IFNA21: variants seen among roughly 807,000 people sequenced by gnomAD.
The protein encoded by IFNA21 is interferon alpha-21.
For missense variants in IFNA21, 272 were observed against 212.7 expected, an observed-to-expected ratio of 1.28 and a Z score of -1.73; for synonymous variants, 101 against 82.9, an observed-to-expected ratio of 1.22 and a Z score of -1.19.
At position 21,165,891 on chromosome 9, in the gene IFNA21, T is replaced by C. The variant is rs1819656591; in HGVS notation, c.*152A>G. 1 of 963,094 alleles carries C rather than the reference T, an allele frequency of 1.0e-6. No homozygotes were observed. Among genetic ancestry groups the C allele is most frequent in the East Asian group, 2.6e-5 (1 of 38,300 alleles). 59.7% of individuals were successfully genotyped at this position (963,094 alleles called of 1,614,324 possible). ...GGACTAGTGCCTGCACAGGTAAACA[T>C]GATGTTTCCTTACACTCCTGAAAAG... On this transcript the variant is annotated 3_prime_UTR_variant, in exon 1 of 1. Transcript: ENST00000380225.
In IFNA21 at chr9:21,166,182, T is replaced by C. The variant is rs771989361; in HGVS notation, c.431A>G (p.Lys144Arg). Reference protein sequence around the residue: ...LMNVDSILAVKKYFQRITLYL... With the variant: ...LMNVDSILAVRKYFQRITLYL... ...AAGAGTGATTCTTTGGAAGTATTTC[T>C]TCACAGCCAGGATGGAGTCCACATT... The change falls in exon 1 of 1, where the codon AAG becomes AGG. Residue 144 changes from lysine to arginine, a missense_variant. By Grantham distance (26) the Lys-to-Arg change is conservative. Coordinates refer to ENST00000380225, the MANE Select transcript of IFNA21 (RefSeq NM_002175.2). 2.8e-5 allele frequency: 45 copies of C among 1,614,078 alleles called. No individual in the cohort carries two copies. Among genetic ancestry groups the C allele is most frequent in the East Asian group, 1.1e-4 (5 of 44,900 alleles).
At position 21,166,584 on chromosome 9, in the gene IFNA21, G is replaced by A. The variant is rs138376439; in HGVS notation, c.29C>T (p.Ala10Val). The stretch of plus-strand genomic sequence containing the variant: ...GGATTTGTAGCTGAGCACCAGCACG[G>A]CCATCAGTAAAGAAAAGGACAGGGC... Reference protein sequence around the residue: MALSFSLLMAVLVLSYKSIC... With the variant: MALSFSLLMVVLVLSYKSIC... Residue 10 changes from alanine to valine, a missense_variant, in exon 1 of 1, where the codon GCC (alanine) becomes GTC (valine). Physicochemically the swap from Ala to Val is moderately conservative, Grantham distance 64. Coordinates refer to ENST00000380225, the MANE Select transcript of IFNA21 (RefSeq NM_002175.2). 10 of 1,613,524 alleles carry A rather than the reference G, an allele frequency of 6.2e-6. No individual in the cohort carries two copies. In the African/African-American group the frequency reaches 6.7e-5, roughly 11 times the overall value.
chr9:21,166,300 G>A lies in IFNA21; in HGVS notation c.313C>T (p.Leu105=). ...DSSATWEQSL[L]EKFSTELNQQ... ...TTAAGTTCAGTGGAAAATTTTTCTA[G>A]GAGGCTCTGTTCCCAAGTAGCAGAT... The change falls in exon 1 of 1, where the codon CTA becomes TTA. Residue 105 remains leucine, a synonymous_variant. Transcript: ENST00000380225. 2.5e-6 allele frequency: 4 copies of A among 1,614,078 alleles called. No individual in the cohort carries two copies. The highest frequency in any genetic ancestry group is 1.1e-5 in the South Asian group (1 of 91,072).
chr9:21,166,268 C>T lies in IFNA21; in HGVS notation c.345G>A (p.Gln115=), dbSNP rs144487696. 20 of 1,614,020 alleles carry T rather than the reference C, an allele frequency of 1.2e-5. No individual in the cohort carries two copies. The highest frequency in any genetic ancestry group is 4.5e-5 in the East Asian group (2 of 44,890). The change falls in exon 1 of 1, where the codon CAG becomes CAA. Residue 115 remains glutamine, a synonymous_variant. Transcript: ENST00000380225. ...TCACGCAGGCTTCCAGGTCATTCAG[C>T]TGCTGGTTAAGTTCAGTGGAAAATT... The part of the protein sequence containing the change: ...LEKFSTELNQ[Q]LNDLEACVIQ...
the IFNA21 span, chr9:21,166,338 CT>C: frequency 6.2e-7 from 1 of 1,613,956 alleles, no homozygotes; most frequent in Non-Finnish European, 8.5e-7. Context: ...GTCCTTTGTG[CT>C]GAAGAGATTG....
In IFNA21 at chr9:21,166,275, T is replaced by A; in HGVS notation, c.338A>T (p.Asn113Ile). Reference sequence around the variant, plus strand: ...GGCTTCCAGGTCATTCAGCTGCTGGTTAAGTTCAGTGGAAAATTTTTCTAG... The same window carrying A: ...GGCTTCCAGGTCATTCAGCTGCTGGATAAGTTCAGTGGAAAATTTTTCTAG... ...SLLEKFSTEL[N>I]QQLNDLEACV... Residue 113 changes from asparagine to isoleucine, a missense_variant, in exon 1 of 1, where the codon AAC (asparagine) becomes ATC (isoleucine). By Grantham distance (149) the Asn-to-Ile change is moderately radical. Transcript: ENST00000380225. The A allele has an allele frequency of 1.2e-6, 2 of 1,614,136 alleles. No homozygotes were observed. The highest frequency in any genetic ancestry group is 1.3e-5 in the African/African-American group (1 of 75,034).
In IFNA21 at chr9:21,166,257, A is replaced by G. The variant is rs1373020913; in HGVS notation, c.356T>C (p.Leu119Pro). Residue 119 changes from leucine (L) to proline (P), a missense_variant, in exon 1 of 1, where the codon CTG (leucine) becomes CCG (proline). Transcript: ENST00000380225. Reference sequence around the variant, plus strand: ...AACCTCCTGTATCACGCAGGCTTCCAGGTCATTCAGCTGCTGGTTAAGTTC... The same window carrying G: ...AACCTCCTGTATCACGCAGGCTTCCGGGTCATTCAGCTGCTGGTTAAGTTC... ...STELNQQLND[L>P]EACVIQEVGV... The G allele has an allele frequency of 1.2e-6, 2 of 1,614,164 alleles. No individual in the cohort carries two copies. Among genetic ancestry groups the G allele is most frequent in the East Asian group, 4.5e-5 (2 of 44,882 alleles).
In IFNA21 at chr9:21,166,472, G is replaced by T. The variant is rs551245471; in HGVS notation, c.141C>A (p.Ile47=). Residue 47 remains isoleucine, a synonymous_variant, in exon 1 of 1, where the codon ATC becomes ATA. Transcript: ENST00000380225. ...ALILLAQMGR[I]SPFSCLKDRH... is the part of the protein sequence containing the mutation. ...TGTCCTTCAGGCAGGAGAAAGGAGAGATTCTTCCCATTTGTGCCAGGAGTA... is the reference window on the plus strand; with the variant it reads ...TGTCCTTCAGGCAGGAGAAAGGAGATATTCTTCCCATTTGTGCCAGGAGTA... 6.2e-7 allele frequency: 1 copy of T among 1,614,146 alleles called. No individual in the cohort carries two copies. The highest frequency in any genetic ancestry group is 1.3e-5 in the African/African-American group (1 of 75,040).
At position 21,165,968 on chromosome 9, in the gene IFNA21, T is replaced by C; in HGVS notation, c.*75A>G. ...CGGTGGTTATAGGAGAAATGAGTCT[T>C]TGAAATGGCAGAAGTCATAGAAGTG... On this transcript the variant is annotated 3_prime_UTR_variant, in exon 1 of 1. Transcript: ENST00000380225. The C allele has an allele frequency of 2.0e-6, 3 of 1,518,972 alleles. No individual in the cohort carries two copies. The highest frequency in any genetic ancestry group is 2.3e-5 in the East Asian group (1 of 44,336). The allele number at this position is 1,518,972 out of a possible 1,614,324, so 94.1% of individuals were successfully genotyped here.
At position 21,165,773 on chromosome 9, in the gene IFNA21, A is replaced by T. The variant is rs1290099730; in HGVS notation, c.*270T>A. ...TATAACACAATGTAAAAGTACACATAATATTACATGGACAAAAATAATTTA... is the reference window on the plus strand; with the variant it reads ...TATAACACAATGTAAAAGTACACATTATATTACATGGACAAAAATAATTTA... On this transcript the variant is annotated 3_prime_UTR_variant, in exon 1 of 1. Coordinates refer to ENST00000380225, the MANE Select transcript of IFNA21 (RefSeq NM_002175.2). 4.7e-6 allele frequency: 1 copy of T among 214,518 alleles called. No individual in the cohort carries two copies. The highest frequency in any genetic ancestry group is 9.1e-6 in the Non-Finnish European group (1 of 109,618). The allele number at this position is 214,518 out of a possible 1,614,324, so 13.3% of individuals were successfully genotyped here.
chr9:21,166,301 G>C lies in IFNA21; in HGVS notation c.312C>G (p.Leu104=). Residue 104 remains leucine (L), a synonymous_variant, in exon 1 of 1, where the codon CTC becomes CTG. Coordinates refer to ENST00000380225, the MANE Select transcript of IFNA21 (RefSeq NM_002175.2). ...KDSSATWEQS[L]LEKFSTELNQ... Reference sequence around the variant, plus strand: ...TAAGTTCAGTGGAAAATTTTTCTAGGAGGCTCTGTTCCCAAGTAGCAGATG... The same window carrying C: ...TAAGTTCAGTGGAAAATTTTTCTAGCAGGCTCTGTTCCCAAGTAGCAGATG... 6.2e-7 allele frequency: 1 copy of C among 1,614,104 alleles called. No individual in the cohort carries two copies. The highest frequency in any genetic ancestry group is 8.5e-7 in the Non-Finnish European group (1 of 1,179,984).
chr9:21,165,956 A>AG lies in IFNA21; in HGVS notation c.*86dup. 1 of 1,485,236 alleles carries AG rather than the reference A, an allele frequency of 6.7e-7. No individual in the cohort carries two copies. The highest frequency in any genetic ancestry group is 9.1e-7 in the Non-Finnish European group (1 of 1,100,440). 92.0% of individuals were successfully genotyped at this position (1,485,236 alleles called of 1,614,324 possible). ...ATTCAACTCATGCGGTGGTTATAGG[A>AG]GAAATGAGTCTTTGAAATGGCAGAA... On this transcript the variant is annotated 3_prime_UTR_variant, in exon 1 of 1. Coordinates refer to ENST00000380225, the MANE Select transcript of IFNA21 (RefSeq NM_002175.2).
rs780054252 is a variant in IFNA21, at chr9:21,166,263, T to G, written c.350A>C (p.Asn117Thr). 6.2e-7 allele frequency: 1 copy of G among 1,614,176 alleles called. No individual in the cohort carries two copies. Among genetic ancestry groups the G allele is most frequent in the South Asian group, 1.1e-5 (1 of 91,080 alleles). The change falls in exon 1 of 1, where the codon AAT (asparagine) becomes ACT (threonine). Residue 117 changes from asparagine (N) to threonine (T), a missense_variant. Transcript: ENST00000380225. The stretch of plus-strand genomic sequence containing the variant: ...CTGTATCACGCAGGCTTCCAGGTCA[T>G]TCAGCTGCTGGTTAAGTTCAGTGGA... ...KFSTELNQQL[N>T]DLEACVIQEV...
In IFNA21 at chr9:21,165,955, G is replaced by A. The variant is rs1819657520; in HGVS notation, c.*88C>T. 4.1e-6 allele frequency: 6 copies of A among 1,480,994 alleles called. No individual in the cohort carries two copies. The highest frequency in any genetic ancestry group is 2.7e-5 in the South Asian group (2 of 74,602). 91.7% of individuals were successfully genotyped at this position (1,480,994 alleles called of 1,614,324 possible). ...GATTCAACTCATGCGGTGGTTATAG[G>A]AGAAATGAGTCTTTGAAATGGCAGA... On this transcript the variant is annotated 3_prime_UTR_variant, in exon 1 of 1. Coordinates refer to ENST00000380225, the MANE Select transcript of IFNA21 (RefSeq NM_002175.2).
At position 21,166,060 on chromosome 9, in the gene IFNA21, A is replaced by G. The variant is rs146197742; in HGVS notation, c.553T>C (p.Leu185=). ...FSLSKIFQER[L]RRKE ...AACAGGTTTCATTCCTTCCTCCTTA[A>G]TCTTTCTTGAAAAATTTTTGATAAA... Residue 185 remains leucine (L), a synonymous_variant, in exon 1 of 1, where the codon TTA becomes CTA. Transcript: ENST00000380225. 4.0e-4 allele frequency: 651 copies of G among 1,613,682 alleles called. No homozygotes were observed. The highest frequency in any genetic ancestry group is 4.4e-4 in the Non-Finnish European group (520 of 1,179,890).
Position 21,166,488 on chromosome 9 carries a change from G to C in IFNA21, c.125C>G (p.Ala42Gly), listed in dbSNP as rs138370577. The C allele has an allele frequency of 2.8e-3, 4,496 of 1,614,044 alleles. 90 individuals carry two copies. The African/African-American group carries it at 0.049, about 18-fold the overall frequency. ...LGNRRALILL[A>G]QMGRISPFSC... is the part of the protein sequence containing the mutation. The stretch of plus-strand genomic sequence containing the variant: ...GAAAGGAGAGATTCTTCCCATTTGT[G>C]CCAGGAGTATCAAGGCCCTCCTATT... The change falls in exon 1 of 1, where the codon GCA becomes GGA. Residue 42 changes from alanine (A) to glycine (G), a missense_variant. By Grantham distance (60) the Ala-to-Gly change is moderately conservative. Transcript: ENST00000380225.
chr9:21,166,137 T>C lies in IFNA21; in HGVS notation c.476A>G (p.Tyr159Cys). Residue 159 changes from tyrosine to cysteine, a missense_variant, in exon 1 of 1, where the codon TAC becomes TGC. Physicochemically the swap from Tyr to Cys is radical, Grantham distance 194. Transcript: ENST00000380225. ...RITLYLTEKK[Y>C]SPCAWEVVRA... is the part of the protein sequence containing the mutation. ...GACAACCTCCCAGGCACAAGGGCTG[T>C]ATTTCTTCTCTGTCAGATAAAGAGT... 6.2e-7 allele frequency: 1 copy of C among 1,614,182 alleles called. No homozygotes were observed. Among genetic ancestry groups the C allele is most frequent in the Non-Finnish European group, 8.5e-7 (1 of 1,180,026 alleles).
chr9:21,165,934 C>A lies in IFNA21; in HGVS notation c.*109G>T. 8.7e-6 allele frequency: 12 copies of A among 1,386,592 alleles called. No homozygotes were observed. The highest frequency in any genetic ancestry group is 1.4e-5 in the South Asian group (1 of 69,496). The allele number at this position is 1,386,592 out of a possible 1,614,324, so 85.9% of individuals were successfully genotyped here. ...CTGAAAAGATCTGAAAATTTTGATT[C>A]AACTCATGCGGTGGTTATAGGAGAA... On this transcript the variant is annotated 3_prime_UTR_variant, in exon 1 of 1. Coordinates refer to ENST00000380225, the MANE Select transcript of IFNA21 (RefSeq NM_002175.2).
chr9:21,165,924 A>C lies in IFNA21; in HGVS notation c.*119T>G. 7.6e-7 allele frequency: 1 copy of C among 1,319,842 alleles called. No individual in the cohort carries two copies. Among genetic ancestry groups the C allele is most frequent in the Non-Finnish European group, 1.0e-6 (1 of 964,466 alleles). 81.8% of individuals were successfully genotyped at this position (1,319,842 alleles called of 1,614,324 possible). Reference sequence around the variant, plus strand: ...CCTTACACTCCTGAAAAGATCTGAAAATTTTGATTCAACTCATGCGGTGGT... The same window carrying C: ...CCTTACACTCCTGAAAAGATCTGAACATTTTGATTCAACTCATGCGGTGGT... On this transcript the variant is annotated 3_prime_UTR_variant, in exon 1 of 1. Coordinates refer to ENST00000380225, the MANE Select transcript of IFNA21 (RefSeq NM_002175.2).
Sources: allele counts gnomAD v4.1 joint callset, GRCh38; gene constraint gnomAD v4.1.1; transcripts MANE v1.5; gene names NCBI Gene and HGNC (gene_info 2026-07-23, HGNC 2026-07-21).